The following TLK1 variants were observed in gnomAD, a reference collection of about 807,000 sequenced individuals.
TLK1 encodes serine/threonine-protein kinase tousled-like 1.
In TLK1, 24 loss-of-function variants were observed where a neutral mutation model predicts 105.3. That is an observed-to-expected ratio of 0.23 (90% CI 0.17 to 0.32). TLK1 has a LOEUF of 0.32. TLK1 is among the 10% of genes least tolerant of loss of function. The pLI is 1.00. For synonymous variants in TLK1, 321 were observed against 310.4 expected (o/e 1.03, Z -0.36); for missense variants, 558 against 910.5 (o/e 0.61, Z 4.98).
intron 2 of TLK1, among the ~76,000 whole-genome samples, chr2:171,101,147 AC>A (rs1337855512): frequency 6.6e-6 from 1 of 152,116 alleles, no homozygotes; most frequent in Non-Finnish European, 1.5e-5. Flanking sequence ...GGAGTTTGAG[AC>A]CAGCCTGACC....
intron 1 of TLK1, among the ~76,000 whole-genome samples, chr2:171,172,520 C>A (rs1164404857): frequency 6.6e-6 from 1 of 152,158 alleles, no homozygotes; most frequent in African/African-American, 2.4e-5. Context: ...CCACCCAAAT[C>A]TCATGTAGGA....
At chr2:171,198,666 T>C (rs140141822) in intron 1 of TLK1, among the ~76,000 whole-genome samples, 1 of 152,316 alleles carries the variant, frequency 6.6e-6, no homozygotes, top group East Asian at 1.9e-4. Flanking sequence ...CAAAGATGTG[T>C]TAGAAAAGAG....
rs1190226201 is a variant in TLK1 at position 171,117,814 on chromosome 2, C to G, written c.183G>C (p.Glu61Asp). Reference sequence around the variant, plus strand: ...CTCCAGTAAATCTAGCTTCCAATAACTCTTGCCTTCTTGGATCCAGACTAT... The same window carrying G: ...CTCCAGTAAATCTAGCTTCCAATAAGTCTTGCCTTCTTGGATCCAGACTAT... ...ELHSLDPRRQELLEARFTGVA... is the reference protein window; with the variant it reads ...ELHSLDPRRQDLLEARFTGVA... Residue 61 changes from glutamate to aspartate, a missense_variant, in exon 2 of 21, where the codon GAG (glutamate) becomes GAC (aspartate). Glu to Asp is a conservative substitution (Grantham distance 45). Transcript: ENST00000431350. The G allele has an allele frequency of 6.2e-7, 1 of 1,613,906 alleles. No homozygotes were observed. The highest frequency in any genetic ancestry group is 8.5e-7 in the Non-Finnish European group (1 of 1,179,960).
chr2:171,146,307 G>C (rs956343898), intron 1 of TLK1, among the ~76,000 whole-genome samples: 1 of 139,576 alleles, frequency 7.2e-6, no homozygotes, highest in African/African-American at 2.7e-5. Context: ...CGGGACAACA[G>C]AGTGAGACTC....
intron 12 of TLK1, among the ~76,000 whole-genome samples, chr2:171,024,493 C>T (rs949754411): frequency 9.9e-5 from 15 of 152,126 alleles, no homozygotes; most frequent in African/African-American, 3.4e-4. Flanking sequence ...ACGTTCATCC[C>T]GCCACACACC....
At chr2:171,100,887 T>C (rs142419445) in intron 2 of TLK1, among the ~76,000 whole-genome samples, 2 of 152,252 alleles carry the variant, frequency 1.3e-5, no homozygotes, top group African/African-American at 2.4e-5. Flanking sequence ...TAACAGTTCA[T>C]AACATTTGCA....
rs574958838 is a variant in TLK1, at chr2:171,172,411, T to C, written c.-5-54554A>G. 8.5e-5 allele frequency among the ~76,000 whole-genome samples: 13 copies of C among 152,308 alleles called. No homozygotes were observed. The South Asian group carries it at 2.7e-3, about 32-fold the overall frequency. On this transcript the variant is annotated intron_variant, in intron 1 of 20. Transcript: ENST00000521943. ...CATGTAGTTATACTTCAATAAAATG[T>C]TTAACAAATACAATAAAAATATAGA...
intron 20 of TLK1, among the ~76,000 whole-genome samples, chr2:170,995,338 TTAAAA>T (rs1684003651): frequency 6.6e-6 from 1 of 151,930 alleles, no homozygotes; most frequent in African/African-American, 2.4e-5. Flanking sequence ...ATATATTACA[TTAAAA>T]TATTAAAATT....
chr2:171,210,372 T>C (rs2105325023), intron 1 of TLK1, among the ~76,000 whole-genome samples: 1 of 152,146 alleles, frequency 6.6e-6, no homozygotes, highest in Middle Eastern at 3.4e-3. Context: ...CAAGCAATCC[T>C]CCTGAGTAGC....
chr2:171,178,113 C>A (rs1484254101), intron 1 of TLK1, among the ~76,000 whole-genome samples: 1 of 152,102 alleles, frequency 6.6e-6, no homozygotes, highest in South Asian at 2.1e-4. Context: ...TTTTTGAATG[C>A]TTACTATATG....
At chr2:171,068,967 C>G (rs1014739057) in intron 3 of TLK1, among the ~76,000 whole-genome samples, 1 of 152,120 alleles carries the variant, frequency 6.6e-6, no homozygotes, top group Non-Finnish European at 1.5e-5. Flanking sequence ...GAATAAAATT[C>G]TGAAACAAAA....
chr2:171,025,246 A>C (rs1289085118), intron 12 of TLK1, among the ~76,000 whole-genome samples: 2 of 152,196 alleles, frequency 1.3e-5, no homozygotes, highest in Admixed American at 1.3e-4. Flanking sequence ...ATACTTTTTC[A>C]TATTTTAGTT....
chr2:171,028,046 C>T (rs1453072424), intron 12 of TLK1, among the ~76,000 whole-genome samples: 1 of 152,052 alleles, frequency 6.6e-6, no homozygotes, highest in Non-Finnish European at 1.5e-5. Context: ...GCCTGTAATC[C>T]CAGCTACTCA....
intron 1 of TLK1, among the ~76,000 whole-genome samples, chr2:171,158,267 C>T (rs568614857): frequency 1.3e-5 from 2 of 152,278 alleles, no homozygotes; most frequent in South Asian, 4.2e-4. Context: ...GTGTAACTTT[C>T]ACAAAAGCCT....
intron 1 of TLK1, among the ~76,000 whole-genome samples, chr2:171,145,109 G>A (rs1327275023): frequency 6.6e-6 from 1 of 152,128 alleles, no homozygotes; most frequent in South Asian, 2.1e-4. Context: ...AGGAGTTCGA[G>A]ACCAGCCTGG....
At chr2:171,067,680 G>T (rs1411470719) in intron 3 of TLK1, among the ~76,000 whole-genome samples, 1 of 151,990 alleles carries the variant, frequency 6.6e-6, no homozygotes, top group African/African-American at 2.4e-5. Flanking sequence ...TGTTACATAG[G>T]TATACACGTG....
intron 2 of TLK1, among the ~76,000 whole-genome samples, chr2:171,092,708 T>G (rs1689288973): frequency 6.6e-6 from 1 of 152,204 alleles, no homozygotes; most frequent in African/African-American, 2.4e-5. Flanking sequence ...CTTGCTCTGC[T>G]GTGGTTACTA....
At chr2:171,063,234 T>C (rs2105449040) in intron 3 of TLK1, among the ~76,000 whole-genome samples, 1 of 152,146 alleles carries the variant, frequency 6.6e-6, no homozygotes, top group East Asian at 1.9e-4. Context: ...TAGTGCCAGC[T>C]ACTCGGGAGG....
intron 1 of TLK1, among the ~76,000 whole-genome samples, chr2:171,188,807 G>A (rs901896087): frequency 2.6e-5 from 4 of 151,260 alleles, no homozygotes; most frequent in Admixed American, 1.3e-4. Context: ...CCAGGGAGGT[G>A]GAGGTTGCAG....
Sources: gnomAD v4.1 joint callset for allele counts (sites outside exome capture counted in the v4.1 genomes callset) on GRCh38, gnomAD v4.1.1 for gene constraint, MANE v1.5 for transcripts, NCBI Gene and HGNC (gene_info 2026-07-23, HGNC 2026-07-21) for gene names.